GPR176: variants seen among roughly 807,000 people sequenced by gnomAD.
GPR176 encodes G-protein coupled receptor 176.
In GPR176, 26 loss-of-function variants were observed where a neutral mutation model predicts 35.4. The observed-to-expected ratio is 0.74, with a 90% CI of 0.54 to 1.02. The LOEUF is 1.02. Ranked by LOEUF, GPR176 falls within the 50% of genes least tolerant of loss-of-function variation. The pLI, the probability that GPR176 is intolerant of heterozygous loss-of-function variation, is 0.00. For missense variants in GPR176, 597 were observed against 665.3 expected (o/e 0.90, Z 1.13); for synonymous variants, 278 against 271.3 (o/e 1.02, Z -0.24).
At chr15:39,845,669 G>T (rs1456504280) in intron 1 of GPR176, among the ~76,000 whole-genome samples, 1 of 152,046 alleles carries the variant, frequency 6.6e-6, no homozygotes, top group Admixed American at 6.6e-5. Context: ...AGGTGGGAAG[G>T]GCAGGTCTGT....
chr15:39,815,386 TG>T (rs1899832415), intron 1 of GPR176: 1 of 152,300 alleles, frequency 6.6e-6, no homozygotes, highest in Admixed American at 6.5e-5. Flanking sequence ...TTGTCTCATG[TG>T]GTCAGAACGG....
Position 39,848,548 on chromosome 15 carries a change from A to T in GPR176, c.173-41290T>A, listed in dbSNP as rs2030609714. Among the ~76,000 whole-genome samples, 4 of 152,188 alleles carry T rather than the reference A, an allele frequency of 2.6e-5. No homozygotes were observed. The South Asian group carries it at 6.2e-4, about 24-fold the overall frequency. On this transcript the variant is annotated intron_variant, in intron 1 of 2. Coordinates refer to ENST00000561100, the MANE Select transcript of GPR176 (RefSeq NM_007223.3). ...ATGCCCACAAGATATATATCAAGATAAAGTATATCTATGGCCATAAAATAG... is the reference window on the plus strand; with the variant it reads ...ATGCCCACAAGATATATATCAAGATTAAGTATATCTATGGCCATAAAATAG...
At chr15:39,837,092 G>C (rs893301893) in intron 1 of GPR176, among the ~76,000 whole-genome samples, 1 of 152,130 alleles carries the variant, frequency 6.6e-6, no homozygotes, top group African/African-American at 2.4e-5. Context: ...TCAGTCTAGG[G>C]AAGGACTTTC....
chr15:39,897,104 A>C (rs917962504), intron 1 of GPR176, among the ~76,000 whole-genome samples: 3 of 152,238 alleles, frequency 2.0e-5, no homozygotes, highest in African/African-American at 7.2e-5. Flanking sequence ...CCAGGAAATC[A>C]GTAATGAGAA....
rs1244337837 is a variant in GPR176 at position 39,815,200 on chromosome 15, A to C, written c.173-7942T>G. ...TGGAGCTGTGTGTAGAGGAGACAGA[A>C]GGGGACAGCTCAGAAGGGAGACAGA... On this transcript the variant is annotated intron_variant, in intron 1 of 2. Transcript: ENST00000561100. 3.3e-5 allele frequency: 5 copies of C among 152,338 alleles called. No homozygotes were observed. In the East Asian group the frequency reaches 9.6e-4, roughly 29 times the overall value. 9.4% of individuals were successfully genotyped at this position (152,338 alleles called of 1,614,324 possible).
At position 39,801,186 on chromosome 15, in the gene GPR176, C is replaced by T; in HGVS notation, c.1494G>A (p.Glu498=). ...QTKVPKVGRV[E]RKMSRNNKVS... ...CTTTATTGTTTCTGCTCATCTTCCG[C>T]TCCACCCTGCCTACCTTGGGCACCT... The change falls in exon 3 of 3, where the codon GAG becomes GAA. Residue 498 remains glutamate (E), a synonymous_variant. Coordinates refer to ENST00000561100, the MANE Select transcript of GPR176 (RefSeq NM_007223.3). 2 of 1,613,700 alleles carry T rather than the reference C, an allele frequency of 1.2e-6. No homozygotes were observed. The highest frequency in any genetic ancestry group is 1.7e-6 in the Non-Finnish European group (2 of 1,179,714).
At chr15:39,816,375 T>TAC (rs1483866580) in intron 1 of GPR176, among the ~76,000 whole-genome samples, 5 of 152,154 alleles carry the variant, frequency 3.3e-5, no homozygotes, top group Non-Finnish European at 7.4e-5. Context: ...ATACATGTTG[T>TAC]ACAACACAGA....
intron 2 of GPR176, among the ~76,000 whole-genome samples, chr15:39,803,528 G>A (rs980249399): frequency 2.6e-5 from 4 of 151,824 alleles, no homozygotes; most frequent in Admixed American, 6.6e-5. Flanking sequence ...TGATCCACCC[G>A]CCTCGGCCTC....
At chr15:39,828,103 T>C (rs1188872248) in intron 1 of GPR176, among the ~76,000 whole-genome samples, 1 of 152,244 alleles carries the variant, frequency 6.6e-6, no homozygotes, top group Admixed American at 6.5e-5. Flanking sequence ...GAAAATGTCA[T>C]CTTTAGGGAT....
rs1386748743 is a variant in GPR176 at position 39,833,835 on chromosome 15, A to C, written c.173-26577T>G. 4.6e-5 allele frequency among the ~76,000 whole-genome samples: 7 copies of C among 152,300 alleles called. No homozygotes were observed. The East Asian group carries it at 1.2e-3, about 25-fold the overall frequency. On this transcript the variant is annotated intron_variant, in intron 1 of 2. Coordinates refer to ENST00000561100, the MANE Select transcript of GPR176 (RefSeq NM_007223.3). ...CCCAATTAAGTCAAAGAATAAAGAC[A>C]GCTGGCGCAGAAATGAGTCTGGCAC... is the stretch of plus-strand genomic sequence containing the variant.
At position 39,800,934 on chromosome 15, in the gene GPR176, G is replaced by A; in HGVS notation, c.*198C>T. 1 of 561,782 alleles carries A rather than the reference G, an allele frequency of 1.8e-6. No individual in the cohort carries two copies. The highest frequency in any genetic ancestry group is 3.2e-6 in the Non-Finnish European group (1 of 315,910). 34.8% of individuals were successfully genotyped at this position (561,782 alleles called of 1,614,324 possible). On this transcript the variant is annotated 3_prime_UTR_variant, in exon 3 of 3. Transcript: ENST00000561100. ...ACTAAGGACATGGATCACTGAGATG[G>A]ATACATATACTCCCTCAATAAAGAG...
At chr15:39,872,911 CTGTGTGTG>C (rs6145533) in intron 1 of GPR176, among the ~76,000 whole-genome samples, 11,548 of 141,046 alleles carry the variant, frequency 0.082, 488 homozygotes, top group Middle Eastern at 0.15. Flanking sequence ...TCCAAAATAT[CTGTGTGTG>C]TGTGTGTGTG....
intron 1 of GPR176, chr15:39,829,175 T>C: frequency 6.5e-7 from 1 of 1,533,448 alleles, no homozygotes; most frequent in African/African-American, 1.4e-5. Context: ...TCACACTGCC[T>C]TCTCATGAAG....
At chr15:39,913,082 CA>C (rs1198011496) in intron 1 of GPR176, among the ~76,000 whole-genome samples, 1 of 151,920 alleles carries the variant, frequency 6.6e-6, no homozygotes, top group Admixed American at 6.6e-5. Context: ...AATGGATAAA[CA>C]AAATGTAATA....
At chr15:39,891,504 C>T (rs1046001373) in intron 1 of GPR176, among the ~76,000 whole-genome samples, 5 of 152,278 alleles carry the variant, frequency 3.3e-5, no homozygotes, top group African/African-American at 1.2e-4. Flanking sequence ...CAGGTACACA[C>T]CATACCTGAC....
chr15:39,867,735 AAACT>A (rs1157416560), intron 1 of GPR176, among the ~76,000 whole-genome samples: 2 of 152,168 alleles, frequency 1.3e-5, no homozygotes, highest in Non-Finnish European at 2.9e-5. Flanking sequence ...TTATGAGGTC[AAACT>A]GACAGGAGAG....
At position 39,816,813 on chromosome 15, in the gene GPR176, G is replaced by A. The variant is rs1393149079; in HGVS notation, c.173-9555C>T. ...CTCACACCTGTAATCCCAGCATTTTGGGAAGCCAAGGCAGGAGGATTGCTT... is the reference window on the plus strand; with the variant it reads ...CTCACACCTGTAATCCCAGCATTTTAGGAAGCCAAGGCAGGAGGATTGCTT... On this transcript the variant is annotated intron_variant, in intron 1 of 2. Transcript: ENST00000561100. Among the ~76,000 whole-genome samples the A allele has an allele frequency of 3.3e-5, 5 of 152,048 alleles. No homozygotes were observed. The East Asian group carries it at 9.6e-4, about 29-fold the overall frequency.
rs150322981 is a variant in GPR176, at chr15:39,897,148, C to G, written c.172+22707G>C. Among the ~76,000 whole-genome samples the G allele has an allele frequency of 2.4e-3, 368 of 152,262 alleles. 1 individual carries two copies. Among genetic ancestry groups the G allele is most frequent in the African/African-American group, 8.5e-3 (354 of 41,530 alleles). ...AGAGCTCCCACTCCAAGCATGTCAG[C>G]TAGAAAATAACTCATCAACAGTTCC... On this transcript the variant is annotated intron_variant, in intron 1 of 2. Transcript: ENST00000561100.
chr15:39,867,016 A>T (rs1256105939), intron 1 of GPR176, among the ~76,000 whole-genome samples: 1 of 152,162 alleles, frequency 6.6e-6, no homozygotes, highest in African/African-American at 2.4e-5. Flanking sequence ...GCATCCAGAG[A>T]GGAGAAAGAG....
Sources: gnomAD v4.1 joint callset for allele counts (sites outside exome capture counted in the v4.1 genomes callset) on GRCh38, gnomAD v4.1.1 for gene constraint, MANE v1.5 for transcripts, NCBI Gene and HGNC (gene_info 2026-07-23, HGNC 2026-07-21) for gene names.